MAPKAP1: variants seen among roughly 807,000 people sequenced by gnomAD.
MAPKAP1 encodes target of rapamycin complex 2 subunit MAPKAP1.
MAPKAP1 carries 20 observed loss-of-function variants against 65.7 expected under a neutral mutation model. That is an observed-to-expected ratio of 0.30 (90% CI 0.21 to 0.44). The LOEUF (loss-of-function observed/expected upper bound fraction) is 0.44, where lower values mean the gene tolerates loss of function less well. Among genes scored for constraint, MAPKAP1 ranks in the 20% least tolerant of loss-of-function variants. MAPKAP1 has a pLI of 1.00. For synonymous variants in MAPKAP1, 222 were observed against 244.3 expected (o/e 0.91, Z 0.85); for missense variants, 423 against 648.0 (o/e 0.65, Z 3.77).
intron 3 of MAPKAP1, among the ~76,000 whole-genome samples, chr9:125,667,748 G>T (rs372041029): frequency 2.0e-5 from 3 of 152,086 alleles, no homozygotes; most frequent in African/African-American, 7.2e-5. Flanking sequence ...TTAAGCTATG[G>T]AAGTGAAGAA....
intron 1 of MAPKAP1, among the ~76,000 whole-genome samples, chr9:125,693,846 T>TACACACACACACACACAC (rs1554844769): frequency 3.0e-5 from 4 of 135,446 alleles, no homozygotes; most frequent in African/African-American, 1.1e-4. Context: ...TATACACACA[T>TACACACACACACACACAC]ACACACACAC....
intron 5 of MAPKAP1, among the ~76,000 whole-genome samples, chr9:125,578,022 G>A (rs1432098867): frequency 1.3e-5 from 2 of 152,040 alleles, no homozygotes; most frequent in African/African-American, 2.4e-5. Context: ...TTGAGAAATC[G>A]GATGGTTGCC....
At chr9:125,547,465 A>G (rs1382054944) in intron 6 of MAPKAP1, among the ~76,000 whole-genome samples, 1 of 152,220 alleles carries the variant, frequency 6.6e-6, no homozygotes, top group Non-Finnish European at 1.5e-5. Flanking sequence ...TGAGTAGGCT[A>G]CTTCCCTATA....
At chr9:125,657,351 A>ATG (rs1834062092) in intron 4 of MAPKAP1, among the ~76,000 whole-genome samples, 1 of 152,020 alleles carries the variant, frequency 6.6e-6, no homozygotes, top group Non-Finnish European at 1.5e-5. Flanking sequence ...ACATATATAT[A>ATG]TGTGTGTTGG....
At chr9:125,490,681 A>G (rs1044340739) in intron 8 of MAPKAP1, among the ~76,000 whole-genome samples, 1 of 152,240 alleles carries the variant, frequency 6.6e-6, no homozygotes, top group African/African-American at 2.4e-5. Context: ...TTTTTCAACA[A>G]CATATCTGTG....
intron 8 of MAPKAP1, among the ~76,000 whole-genome samples, chr9:125,486,748 A>G (rs1854510848): frequency 6.6e-6 from 1 of 151,970 alleles, no homozygotes; most frequent in Non-Finnish European, 1.5e-5. Context: ...GCAGAATCCC[A>G]TCTCAGAGCC....
chr9:125,655,523 A>C (rs2131747098), intron 4 of MAPKAP1, among the ~76,000 whole-genome samples: 1 of 152,354 alleles, frequency 6.6e-6, no homozygotes, highest in East Asian at 1.9e-4. Flanking sequence ...GGCTTGACTC[A>C]AGTATAATTC....
intron 6 of MAPKAP1, among the ~76,000 whole-genome samples, chr9:125,555,655 T>C (rs903076643): frequency 1.3e-5 from 2 of 152,240 alleles, no homozygotes; most frequent in East Asian, 1.9e-4. Flanking sequence ...GTTTCAGTCA[T>C]TCCTTCTCCA....
intron 1 of MAPKAP1, among the ~76,000 whole-genome samples, chr9:125,689,391 C>G (rs1218149780): frequency 1.4e-5 from 2 of 140,846 alleles, no homozygotes; most frequent in Non-Finnish European, 3.0e-5. Context: ...GAGCCGAGAT[C>G]GCCACTGCAC....
intron 6 of MAPKAP1, among the ~76,000 whole-genome samples, chr9:125,551,398 TC>T (rs1830580948): frequency 1.3e-5 from 2 of 152,076 alleles, no homozygotes; most frequent in South Asian, 4.2e-4. Context: ...AGCTCATCGT[TC>T]CCTTTCTGCA....
intron 1 of MAPKAP1, among the ~76,000 whole-genome samples, chr9:125,699,210 CTTT>C (rs886998557): frequency 2.0e-5 from 3 of 151,650 alleles, no homozygotes; most frequent in African/African-American, 7.3e-5. Flanking sequence ...TTTATACTAA[CTTT>C]TTTTTTCTTT....
At chr9:125,464,306 A>C (rs1853605225) in intron 10 of MAPKAP1, among the ~76,000 whole-genome samples, 1 of 151,588 alleles carries the variant, frequency 6.6e-6, no homozygotes, top group Non-Finnish European at 1.5e-5. Flanking sequence ...AGTTTCTGAT[A>C]CGGAAACATT....
At chr9:125,628,997 C>T (rs989470523) in intron 4 of MAPKAP1, among the ~76,000 whole-genome samples, 2 of 151,586 alleles carry the variant, frequency 1.3e-5, no homozygotes, top group Non-Finnish European at 2.9e-5. Context: ...TAGAGAAACA[C>T]GAATTGAAAC....
intron 4 of MAPKAP1, among the ~76,000 whole-genome samples, chr9:125,614,030 C>A (rs889640646): frequency 7.8e-4 from 118 of 152,204 alleles, no homozygotes; most frequent in African/African-American, 2.7e-3. Context: ...GATCTCCTGA[C>A]CTCGTGATCC....
chr9:125,686,143 C>T lies in MAPKAP1; in HGVS notation c.-69-13500G>A, dbSNP rs139508816. On this transcript the variant is annotated intron_variant, in intron 1 of 11. Transcript: ENST00000265960. ...CATCCTGGCTAACACGGTGAAACCC[C>T]GTCTCTACTAAAAATACAAAAATAA... Among the ~76,000 whole-genome samples, 846 of 151,812 alleles carry T rather than the reference C, an allele frequency of 5.6e-3. 5 individuals carry two copies. The highest frequency in any genetic ancestry group is 0.01 in the Non-Finnish European group (687 of 67,942).
chr9:125,689,168 T>C (rs1186003040), intron 1 of MAPKAP1, among the ~76,000 whole-genome samples: 1 of 152,136 alleles, frequency 6.6e-6, no homozygotes, highest in Non-Finnish European at 1.5e-5. Flanking sequence ...CCGGGCGCGG[T>C]GGCTCACGCC....
In MAPKAP1 at chr9:125,660,588, A is replaced by G. The variant is rs1834155706; in HGVS notation, c.350-2789T>C. Reference sequence around the variant, plus strand: ...ACTTGGATGTCCACCAGGCACCTCAAGTGTTACCTATCCATAACCAAACTC... The same window carrying G: ...ACTTGGATGTCCACCAGGCACCTCAGGTGTTACCTATCCATAACCAAACTC... On this transcript the variant is annotated intron_variant, in intron 3 of 11. Transcript: ENST00000265960. 2.0e-5 allele frequency among the ~76,000 whole-genome samples: 3 copies of G among 152,142 alleles called. No individual in the cohort carries two copies. The South Asian group carries it at 6.2e-4, about 32-fold the overall frequency.
chr9:125,596,604 C>T, intron 4 of MAPKAP1: 1 of 670,178 alleles, frequency 1.5e-6, no homozygotes, highest in Non-Finnish European at 2.8e-6. Context: ...GCAGCAGTAG[C>T]TACAGCAGTG....
chr9:125,706,460 T>C (rs1835762384), intron 1 of MAPKAP1, among the ~76,000 whole-genome samples: 1 of 152,118 alleles, frequency 6.6e-6, no homozygotes, highest in Non-Finnish European at 1.5e-5. Flanking sequence ...TTGTTTACGC[T>C]ACAATCTCTT....
Sources: gnomAD v4.1 joint callset for allele counts (sites outside exome capture counted in the v4.1 genomes callset) on GRCh38, gnomAD v4.1.1 for gene constraint, MANE v1.5 for transcripts, NCBI Gene and HGNC (gene_info 2026-07-23, HGNC 2026-07-21) for gene names.